ST3GAL6: variants seen among roughly 807,000 people sequenced by gnomAD.
ST3GAL6 encodes ST3 beta-galactoside alpha-2,3-sialyltransferase 6.
Under a neutral mutation model 40.5 loss-of-function variants are expected in ST3GAL6, and 31 were observed. The observed-to-expected ratio is 0.77, with a 90% CI of 0.58 to 1.03. The LOEUF (loss-of-function observed/expected upper bound fraction) is 1.03. ST3GAL6 is among the 50% of genes least tolerant of loss of function. ST3GAL6 has a pLI of 0.00. For synonymous variants in ST3GAL6, 129 were observed against 136.9 expected (o/e 0.94, Z 0.40); for missense variants, 357 against 393.2 (o/e 0.91, Z 0.78).
chr3:98,734,781 T>G (rs1284579126), intron 1 of ST3GAL6, among the ~76,000 whole-genome samples: 1 of 152,236 alleles, frequency 6.6e-6, no homozygotes, highest in African/African-American at 2.4e-5. Context: ...GTCTGTCTCC[T>G]GTGAAATTGT....
chr3:98,773,061 A>C (rs1939163431), intron 4 of ST3GAL6, 145 bp downstream of exon 4: 1 of 532,096 alleles, frequency 1.9e-6, no homozygotes, highest in African/African-American at 1.9e-5. Flanking sequence ...AATGAAATGA[A>C]TTACATTTTA....
At chr3:98,776,696 G>A (rs1559745912) in intron 5 of ST3GAL6, among the ~76,000 whole-genome samples, 1 of 152,164 alleles carries the variant, frequency 6.6e-6, no homozygotes, top group Admixed American at 6.5e-5. Flanking sequence ...GAAGGTGCTC[G>A]ACGTAGTTTG....
intron 1 of ST3GAL6, among the ~76,000 whole-genome samples, chr3:98,745,281 C>T (rs1254158146): frequency 6.6e-6 from 1 of 152,000 alleles, no homozygotes; most frequent in Non-Finnish European, 1.5e-5. Flanking sequence ...TGATCCACCC[C>T]CCTTGACCTC....
At chr3:98,787,649 A>C (rs1379487691) in intron 6 of ST3GAL6, among the ~76,000 whole-genome samples, 1 of 152,230 alleles carries the variant, frequency 6.6e-6, no homozygotes, top group Non-Finnish European at 1.5e-5. Context: ...TCCATGTGCT[A>C]CATGACTGTG....
At chr3:98,768,616 A>C in intron 2 of ST3GAL6, 87 bp downstream of exon 2, 8 of 968,808 alleles carry the variant, frequency 8.3e-6, no homozygotes, top group Non-Finnish European at 1.3e-5. Context: ...CCTATGAAAA[A>C]AACTTGTACC....
intron 8 of ST3GAL6, among the ~76,000 whole-genome samples, chr3:98,789,438 AT>A (rs1941020158): frequency 6.6e-6 from 1 of 152,196 alleles, no homozygotes. Context: ...TCATAAACAC[AT>A]AATCTTTTTG....
At chr3:98,767,885 T>C (rs779554169) in intron 1 of ST3GAL6, among the ~76,000 whole-genome samples, 7 of 152,200 alleles carry the variant, frequency 4.6e-5, no homozygotes, top group Non-Finnish European at 1.0e-4. Context: ...TCTAAAAGTA[T>C]ATAAAAATTG....
At chr3:98,756,709 A>G (rs1053764563) in intron 1 of ST3GAL6, among the ~76,000 whole-genome samples, 3 of 152,200 alleles carry the variant, frequency 2.0e-5, no homozygotes, top group Admixed American at 1.3e-4. Flanking sequence ...CTGGGGGCCT[A>G]TAAGACTGCT....
upstream of ST3GAL6, among the ~76,000 whole-genome samples, chr3:98,758,789 C>G (rs1387626845): frequency 6.6e-6 from 1 of 152,210 alleles, no homozygotes; most frequent in Non-Finnish European, 1.5e-5. Flanking sequence ...GAAGCTGATA[C>G]TTCACTAATT....
chr3:98,773,581 T>G (rs1453432161), intron 4 of ST3GAL6: 1 of 178,558 alleles, frequency 5.6e-6, no homozygotes, highest in Non-Finnish European at 1.2e-5. Flanking sequence ...AAAACTATTT[T>G]GCAGAGAATT....
chr3:98,762,746 A>G (rs1937924913), upstream of ST3GAL6: 1 of 970,070 alleles, frequency 1.0e-6, no homozygotes, highest in Non-Finnish European at 1.2e-6. Context: ...ATAGTTTTCT[A>G]TAAGCCACAA....
At chr3:98,745,952 C>T (rs921119501) in intron 1 of ST3GAL6, among the ~76,000 whole-genome samples, 2 of 152,108 alleles carry the variant, frequency 1.3e-5, no homozygotes, top group African/African-American at 4.8e-5. Flanking sequence ...CATCCATACT[C>T]TCTCGGCTCA....
At chr3:98,780,967 A>C (rs954761254) in intron 5 of ST3GAL6, among the ~76,000 whole-genome samples, 1 of 152,218 alleles carries the variant, frequency 6.6e-6, no homozygotes, top group Non-Finnish European at 1.5e-5. Flanking sequence ...TATACCCAAA[A>C]GATTATAAAT....
intron 8 of ST3GAL6, among the ~76,000 whole-genome samples, chr3:98,790,345 A>G (rs1941088332): frequency 6.6e-6 from 1 of 152,182 alleles, no homozygotes; most frequent in Admixed American, 6.6e-5. Flanking sequence ...CTCATCCATT[A>G]TAAGAGGAAT....
chr3:98,734,889 A>G (rs112900972), intron 1 of ST3GAL6, among the ~76,000 whole-genome samples: 2,722 of 152,222 alleles, frequency 0.018, 93 homozygotes, highest in African/African-American at 0.062. Flanking sequence ...GTGGAACCTT[A>G]TGGGAGAAGA....
At position 98,734,096 on chromosome 3, in the gene ST3GAL6, C is replaced by T. The variant is rs539509499; in HGVS notation, c.-12+1564C>T. On this transcript the variant is annotated intron_variant, in intron 1 of 9. Transcript: ENST00000265261. ...ACCTCGTAACTCTTCGGGTCTCCAG[C>T]GGCCACCTCTTTTAGGCTAGCCCGA... 4.9e-4 allele frequency among the ~76,000 whole-genome samples: 75 copies of T among 152,264 alleles called. 1 individual carries two copies. Among genetic ancestry groups the T allele is most frequent in the Middle Eastern group, 3.4e-3 (1 of 294 alleles).
intron 1 of ST3GAL6, among the ~76,000 whole-genome samples, chr3:98,742,888 C>G (rs1006473042): frequency 2.0e-5 from 3 of 150,914 alleles, no homozygotes; most frequent in Non-Finnish European, 4.4e-5. Context: ...TTAGTAGAGA[C>G]GGGGTTTGTC....
intron 2 of ST3GAL6, among the ~76,000 whole-genome samples, chr3:98,770,136 AT>A (rs1938811348): frequency 6.6e-6 from 1 of 152,192 alleles, no homozygotes; most frequent in African/African-American, 2.4e-5. Flanking sequence ...AAGAAAATTG[AT>A]TAGTTTTTAA....
intron 1 of ST3GAL6, among the ~76,000 whole-genome samples, chr3:98,737,445 C>T (rs939966978): frequency 2.0e-5 from 3 of 152,078 alleles, no homozygotes; most frequent in Admixed American, 2.0e-4. Context: ...ACTAATTTAC[C>T]ATAACTGATT....
Sources: gnomAD v4.1 joint callset for allele counts (sites outside exome capture counted in the v4.1 genomes callset) on GRCh38, gnomAD v4.1.1 for gene constraint, MANE v1.5 for transcripts, NCBI Gene and HGNC (gene_info 2026-07-23, HGNC 2026-07-21) for gene names.